The following FGF13 variants were observed in gnomAD, a reference collection of about 807,000 sequenced individuals.
The protein encoded by FGF13 is fibroblast growth factor homologous factor 2.
A neutral mutation model predicts 19.5 loss-of-function variants in FGF13; 2 were observed. That is an observed-to-expected ratio of 0.10 (90% CI 0.04 to 0.32). The LOEUF is 0.32. Among genes scored for constraint, FGF13 ranks in the 10% least tolerant of loss-of-function variants. FGF13 has a pLI of 1.00. For synonymous variants in FGF13, 72 were observed against 76.9 expected, an observed-to-expected ratio of 0.94 and a Z score of 0.33; for missense variants, 113 against 192.7, an observed-to-expected ratio of 0.59 and a Z score of 2.45.
chrX:138,799,415 G>T (rs2090809355), intron 3 of FGF13, among the ~76,000 whole-genome samples: 1 of 111,986 alleles, frequency 8.9e-6, no homozygotes, highest in African/African-American at 3.2e-5. Context: ...TTGCACTGTG[G>T]TCTGAGAGAC....
intron 1 of FGF13, among the ~76,000 whole-genome samples, chrX:138,988,975 G>A (rs1179977121): frequency 1.8e-5 from 2 of 111,766 alleles, no homozygotes; most frequent in Non-Finnish European, 3.8e-5. Context: ...ATTCATTTTA[G>A]AAGGATGAGG....
At chrX:138,763,704 C>G (rs148364376) in intron 3 of FGF13, among the ~76,000 whole-genome samples, 1,645 of 111,617 alleles carry the variant, frequency 0.015, 18 homozygotes, top group African/African-American at 0.05. Flanking sequence ...TACCCCCTGC[C>G]CGCCTTTAAG....
chrX:139,204,090 G>T (rs1337182557), upstream of FGF13: 1 of 1,209,268 alleles, frequency 8.3e-7, no homozygotes, highest in African/African-American at 1.7e-5. Context: ...CTTTGGGCTT[G>T]GTCACCTTTC....
chrX:138,962,863 G>A (rs1250700025), intron 1 of FGF13, among the ~76,000 whole-genome samples: 2 of 111,738 alleles, frequency 1.8e-5, no homozygotes, highest in African/African-American at 3.3e-5. Flanking sequence ...GTGGGACGGG[G>A]AGGGATAGCA....
chrX:138,925,601 T>G, intron 1 of FGF13, among the ~76,000 whole-genome samples: 1 of 111,441 alleles, frequency 9.0e-6, no homozygotes, highest in Middle Eastern at 4.6e-3. Flanking sequence ...ACAAAGCAGC[T>G]GTGGCTCTCC....
chrX:139,182,081 T>C (rs2148271278), intron 1 of FGF13, among the ~76,000 whole-genome samples: 1 of 111,222 alleles, frequency 9.0e-6, no homozygotes, highest in African/African-American at 3.3e-5. Flanking sequence ...AACACTTATA[T>C]AGAGCTTACT....
At position 138,995,014 on chromosome X, in the gene FGF13, C is replaced by T. The variant is rs541921222; in HGVS notation, c.-112-130364G>A. Among the ~76,000 whole-genome samples the T allele has an allele frequency of 2.0e-4, 21 of 104,854 alleles. 1 individual carries two copies. The South Asian group carries it at 9.2e-3, about 46-fold the overall frequency. 91.1% of individuals were successfully genotyped at this position (104,854 alleles called of 115,157 possible). On this transcript the variant is annotated intron_variant, in intron 1 of 2. Coordinates refer to the FGF13 transcript ENST00000421460. The stretch of plus-strand genomic sequence containing the variant: ...AAAAAAAAAAAAAAGCATCTTCAGT[C>T]AGGTAAACACTCACAGTACCTCGTG...
At chrX:138,681,409 G>A (rs983911310) in intron 3 of FGF13, among the ~76,000 whole-genome samples, 2 of 76,234 alleles carry the variant, frequency 2.6e-5, no homozygotes, top group African/African-American at 1.1e-4. Flanking sequence ...CAGAATTGAA[G>A]AGAGTTAGAG....
At chrX:139,201,309 C>A (rs2084413216) in intron 1 of FGF13, among the ~76,000 whole-genome samples, 1 of 111,959 alleles carries the variant, frequency 8.9e-6, no homozygotes. Flanking sequence ...TACTGGAAAC[C>A]TACTACCTGT....
intron 1 of FGF13, among the ~76,000 whole-genome samples, chrX:138,903,524 G>T (rs962151948): frequency 1.8e-5 from 2 of 111,455 alleles, no homozygotes; most frequent in African/African-American, 6.5e-5. Context: ...CAAATAAGAA[G>T]TCTCCAAACC....
At position 138,797,631 on chromosome X, in the gene FGF13, A is replaced by G. The variant is rs189434512; in HGVS notation, c.217+59881T>C. 2.7e-5 allele frequency among the ~76,000 whole-genome samples: 3 copies of G among 111,573 alleles called. No individual in the cohort carries two copies. The East Asian group carries it at 8.5e-4, about 32-fold the overall frequency. ...ATGGTAGCTTAATGGAATAGCACTG[A>G]ATCTATAAATTACTTTGGCCAGTGT... On this transcript the variant is annotated intron_variant, in intron 3 of 6. Transcript: ENST00000436198.
At chrX:139,006,977 G>A (rs957153639) in intron 1 of FGF13, among the ~76,000 whole-genome samples, 2 of 111,596 alleles carry the variant, frequency 1.8e-5, no homozygotes, top group African/African-American at 6.5e-5. Flanking sequence ...CCAAATGCCA[G>A]GAGTAAGTCC....
intron 3 of FGF13, among the ~76,000 whole-genome samples, chrX:138,777,572 C>A (rs749296837): frequency 1.9e-3 from 209 of 111,826 alleles, no homozygotes; most frequent in African/African-American, 6.5e-3. Context: ...CGACAAGTGG[C>A]CTACCAAGGA....
In FGF13 at chrX:139,071,760, G is replaced by A. The variant is rs191385913; in HGVS notation, c.-113+131656C>T. On this transcript the variant is annotated intron_variant, in intron 1 of 2. Coordinates refer to the FGF13 transcript ENST00000421460. ...TGGCTGGATGCGGTGGCTCACCCCTGTAATCCCAGCACTTAGGGAGGCCGA... is the reference window on the plus strand; with the variant it reads ...TGGCTGGATGCGGTGGCTCACCCCTATAATCCCAGCACTTAGGGAGGCCGA... Among the ~76,000 whole-genome samples, 20 of 110,310 alleles carry A rather than the reference G, an allele frequency of 1.8e-4. No homozygotes were observed. In the East Asian group the frequency reaches 5.7e-3, roughly 32 times the overall value.
intron 3 of FGF13, among the ~76,000 whole-genome samples, chrX:138,768,726 T>TATATGATATATATATATA (rs1226957604): frequency 1.0e-5 from 1 of 97,888 alleles, no homozygotes; most frequent in African/African-American, 4.1e-5. Context: ...TAAGTATATA[T>TATATGATATATATATATA]TATATATATA....
At chrX:138,747,270 T>C (rs777033211) in intron 3 of FGF13, among the ~76,000 whole-genome samples, 1 of 111,718 alleles carries the variant, frequency 9.0e-6, no homozygotes, top group South Asian at 3.8e-4. Context: ...AGGGTAGGCC[T>C]GGAGGAATTA....
intron 1 of FGF13, among the ~76,000 whole-genome samples, chrX:139,060,097 G>A (rs771837198): frequency 9.0e-5 from 10 of 111,586 alleles, no homozygotes; most frequent in Non-Finnish European, 1.9e-4. Context: ...TGAATTTAAT[G>A]TACATTTCCC....
At chrX:138,728,944 T>A (rs759028132) in intron 1 of FGF13, among the ~76,000 whole-genome samples, 4 of 111,454 alleles carry the variant, frequency 3.6e-5, no homozygotes, top group Non-Finnish European at 7.6e-5. Flanking sequence ...GTAAAGTCTG[T>A]GGTGAACTGA....
chrX:138,867,004 T>A (rs966805936), intron 1 of FGF13, among the ~76,000 whole-genome samples: 4 of 111,760 alleles, frequency 3.6e-5, no homozygotes, highest in Non-Finnish European at 7.5e-5. Context: ...CAATTTCCTA[T>A]CTCTTACAGA....
Sources: gnomAD v4.1 joint callset for allele counts (sites outside exome capture counted in the v4.1 genomes callset) on GRCh38, gnomAD v4.1.1 for gene constraint, MANE v1.5 for transcripts, NCBI Gene and HGNC (gene_info 2026-07-23, HGNC 2026-07-21) for gene names.